The following PTPN3 variants were observed in gnomAD, a reference collection of about 807,000 sequenced individuals.
PTPN3 encodes protein tyrosine phosphatase non-receptor type 3.
In PTPN3, 96 loss-of-function variants were observed where a neutral mutation model predicts 132.7. The observed-to-expected ratio is 0.72, with a 90% CI of 0.61 to 0.86. The LOEUF is 0.86. Ranked by LOEUF, PTPN3 falls within the 40% of genes least tolerant of loss-of-function variation. PTPN3 has a pLI of 0.00. For synonymous variants in PTPN3, 398 were observed against 429.0 expected (o/e 0.93, Z 0.89); for missense variants, 1,125 against 1,159.6 (o/e 0.97, Z 0.43).
intron 2 of PTPN3, among the ~76,000 whole-genome samples, chr9:109,459,579 T>C (rs1430280959): frequency 6.6e-6 from 1 of 152,086 alleles, no homozygotes; most frequent in Non-Finnish European, 1.5e-5. Flanking sequence ...AGAGACAGGG[T>C]CTTGCTCCAC....
At chr9:109,464,412 T>A (rs1326462402) in intron 1 of PTPN3, among the ~76,000 whole-genome samples, 1 of 152,078 alleles carries the variant, frequency 6.6e-6, no homozygotes, top group Admixed American at 6.5e-5. Context: ...GAGGGTGAAG[T>A]GTGGGAGGAG....
At chr9:109,510,005 G>A in the PTPN3 span, among the ~76,000 whole-genome samples, 2 of 152,206 alleles carry the variant, frequency 1.3e-5, no homozygotes, top group Non-Finnish European at 2.9e-5. Context: ...GACAAGGCCT[G>A]TCAAACAAGA....
Position 109,474,132 on chromosome 9 carries a change from G to A in PTPN3, c.-17-10681C>T, listed in dbSNP as rs1846519884. Among the ~76,000 whole-genome samples the A allele has an allele frequency of 3.9e-5, 6 of 152,064 alleles. No individual in the cohort carries two copies. In the South Asian group the frequency reaches 1.2e-3, roughly 32 times the overall value. On this transcript the variant is annotated intron_variant, in intron 1 of 25. Coordinates refer to ENST00000374541, the MANE Select transcript of PTPN3 (RefSeq NM_002829.4). ...ACTGCGCGCCACCTTGGTGAACCCAGACACTTAAGAGCCAGCAAACCTGCC... is the reference window on the plus strand; with the variant it reads ...ACTGCGCGCCACCTTGGTGAACCCAAACACTTAAGAGCCAGCAAACCTGCC...
At position 109,422,950 on chromosome 9, in the gene PTPN3, G is replaced by GGAC. The variant is rs1017421226; in HGVS notation, c.1002-101_1002-99dup. On this transcript the variant is annotated intron_variant, in intron 12 of 25. Coordinates refer to ENST00000374541, the MANE Select transcript of PTPN3 (RefSeq NM_002829.4). ...AGTCTACACATGCTTCTTGTCTGAA[G>GGAC]GACGGCAGGTTAATGCCAAGGTTAT... is the stretch of plus-strand genomic sequence containing the variant. 2.8e-6 allele frequency: 4 copies of GGAC among 1,453,716 alleles called. No individual in the cohort carries two copies. In the African/African-American group the frequency reaches 5.7e-5, roughly 21 times the overall value. 90.1% of individuals were successfully genotyped at this position (1,453,716 alleles called of 1,614,324 possible).
intron 1 of PTPN3, among the ~76,000 whole-genome samples, chr9:109,466,804 G>A (rs577440944): frequency 7.9e-5 from 12 of 152,298 alleles, no homozygotes; most frequent in Admixed American, 1.3e-4. Context: ...GCTCTTAGAC[G>A]GATGTGGCCA....
intron 9 of PTPN3, 83 bp downstream of exon 9, chr9:109,436,800 A>C: frequency 6.6e-7 from 1 of 1,521,978 alleles, no homozygotes; most frequent in Non-Finnish European, 8.8e-7. Context: ...AAAAAGAAAT[A>C]GTTTCATCAA....
chr9:109,454,637 C>T, intron 4 of PTPN3, 63 bp from the exon 5 acceptor site: 5 of 1,317,052 alleles, frequency 3.8e-6, no homozygotes, highest in Non-Finnish European at 5.5e-6. Flanking sequence ...ATGTAAGTTG[C>T]TTCTCTTCCA....
chr9:109,458,730 A>G (rs10979880), intron 2 of PTPN3, among the ~76,000 whole-genome samples: 57,492 of 151,976 alleles, frequency 0.38, 11,447 homozygotes, highest in African/African-American at 0.49. Flanking sequence ...TCCATCAGAA[A>G]AGAATCACAA....
chr9:109,461,863 A>G (rs896329881), intron 2 of PTPN3, among the ~76,000 whole-genome samples: 1 of 152,182 alleles, frequency 6.6e-6, no homozygotes, highest in Non-Finnish European at 1.5e-5. Flanking sequence ...GAATATTTCC[A>G]GAATTGCAGA....
At chr9:109,505,493 G>A in the PTPN3 span, among the ~76,000 whole-genome samples, 1 of 152,190 alleles carries the variant, frequency 6.6e-6, no homozygotes, top group African/African-American at 2.4e-5. Flanking sequence ...TGGCCAGGCT[G>A]GTCTCAAACT....
At chr9:109,513,927 T>G in the PTPN3 span, among the ~76,000 whole-genome samples, 1 of 152,162 alleles carries the variant, frequency 6.6e-6, no homozygotes, top group Non-Finnish European at 1.5e-5. Flanking sequence ...CAGTTCTGAA[T>G]TTTTGTTGCT....
chr9:109,403,619 G>A (rs1480330195), intron 19 of PTPN3, among the ~76,000 whole-genome samples: 1 of 152,074 alleles, frequency 6.6e-6, no homozygotes, highest in Non-Finnish European at 1.5e-5. Flanking sequence ...GCGGGAGGAC[G>A]GCGTGGGACC....
At chr9:109,452,268 A>G (rs111577377) in intron 5 of PTPN3, among the ~76,000 whole-genome samples, 7 of 145,874 alleles carry the variant, frequency 4.8e-5, no homozygotes, top group African/African-American at 1.7e-4. Context: ...CTCCGTCTCA[A>G]AAAAAAAAAA....
Position 109,389,216 on chromosome 9 carries a change from G to C in PTPN3, c.2253+17C>G, listed in dbSNP as rs1201186590. On this transcript the variant is annotated intron_variant, in intron 22 of 25. Coordinates refer to ENST00000374541, the MANE Select transcript of PTPN3 (RefSeq NM_002829.4). ...TGTGACACTGCACACATCTGAATTA[G>C]AAATCAAGCTACTTACCCGCCCTCG... The C allele has an allele frequency of 1.9e-6, 3 of 1,613,448 alleles. No homozygotes were observed. The highest frequency in any genetic ancestry group is 2.7e-5 in the African/African-American group (2 of 74,910).
At chr9:109,443,751 GTAGGGAGA>G (rs371539545) in intron 7 of PTPN3, among the ~76,000 whole-genome samples, 1,663 of 152,316 alleles carry the variant, frequency 0.011, 18 homozygotes, top group Non-Finnish European at 0.013. Context: ...CAGGTATATT[GTAGGGAGA>G]AGGGAAGGTT....
At chr9:109,513,902 A>C in the PTPN3 span, among the ~76,000 whole-genome samples, 1 of 152,066 alleles carries the variant, frequency 6.6e-6, no homozygotes, top group Non-Finnish European at 1.5e-5. Context: ...TTAATGAGAA[A>C]TCTCTTTTGA....
intron 1 of PTPN3, among the ~76,000 whole-genome samples, chr9:109,497,545 G>A (rs1320682849): frequency 6.6e-6 from 1 of 152,104 alleles, no homozygotes; most frequent in Non-Finnish European, 1.5e-5. Context: ...AACTTCCCAT[G>A]AATTTTTAAG....
At chr9:109,408,841 C>CT (rs1841824914) in intron 16 of PTPN3, among the ~76,000 whole-genome samples, 1 of 95,420 alleles carries the variant, frequency 1.0e-5, no homozygotes, top group African/African-American at 3.9e-5. Context: ...TATATATGGG[C>CT]TTTAATATAT....
chr9:109,534,341 T>C, the PTPN3 span: 30 of 1,510,610 alleles, frequency 2.0e-5, no homozygotes, highest in Non-Finnish European at 2.6e-5. Flanking sequence ...AAGGTTGTGG[T>C]GATGGTGACT....
Sources: gnomAD v4.1 joint callset for allele counts (sites outside exome capture counted in the v4.1 genomes callset) on GRCh38, gnomAD v4.1.1 for gene constraint, MANE v1.5 for transcripts, NCBI Gene and HGNC (gene_info 2026-07-23, HGNC 2026-07-21) for gene names.